Variants in CLASP2 observed in about 807,000 individuals in gnomAD.
CLASP2 encodes the protein cytoplasmic linker associated protein 2.
A neutral mutation model predicts 194.4 loss-of-function variants in CLASP2; 47 were observed. The observed-to-expected ratio is 0.24, with a 90% confidence interval of 0.19 to 0.31. The LOEUF is 0.31. Among genes scored for constraint, CLASP2 ranks in the 10% least tolerant of loss-of-function variants. The pLI, the probability that CLASP2 is intolerant of heterozygous loss-of-function variation, is 1.00. For synonymous variants in CLASP2, 619 were observed against 633.5 expected, an observed-to-expected ratio of 0.98 and a Z score of 0.34; for missense variants, 1,445 against 1,823.6, an observed-to-expected ratio of 0.79 and a Z score of 3.78.
intron 1 of CLASP2, among the ~76,000 whole-genome samples, chr3:33,713,893 CATA>C (rs2093160754): frequency 6.6e-6 from 1 of 152,084 alleles, no homozygotes; most frequent in African/African-American, 2.4e-5. Flanking sequence ...TACTAATCCT[CATA>C]ATATACAAAA....
chr3:33,576,735 A>G (rs1032312683), intron 23 of CLASP2, among the ~76,000 whole-genome samples: 3 of 152,198 alleles, frequency 2.0e-5, no homozygotes, highest in African/African-American at 7.2e-5. Context: ...CTCCTTCAAG[A>G]TAAGTGGGTT....
In CLASP2 at chr3:33,498,416, GCTT is replaced by G. The variant is rs1464444712; in HGVS notation, c.*212_*214del. The G allele has an allele frequency of 2.3e-6, 1 of 433,730 alleles. No individual in the cohort carries two copies. 26.9% of individuals were successfully genotyped at this position (433,730 alleles called of 1,614,324 possible). Reference sequence around the variant, plus strand: ...GTGTCGATCAATTGATGTTAATACTGCTTCTTCTTGAATTTGGAATAACTATCA... The same window carrying G: ...GTGTCGATCAATTGATGTTAATACTGCTTCTTGAATTTGGAATAACTATCA... On this transcript the variant is annotated 3_prime_UTR_variant, in exon 39 of 39. Coordinates refer to ENST00000682230, the MANE Select transcript of CLASP2 (RefSeq NM_001365631.1).
intron 10 of CLASP2, among the ~76,000 whole-genome samples, chr3:33,623,032 C>T (rs545312566): frequency 2.0e-5 from 3 of 152,282 alleles, no homozygotes; most frequent in Middle Eastern, 3.4e-3. Context: ...TGATCTCAAA[C>T]TCCTGGCTTC....
At chr3:33,597,073 A>G (rs1040733410) in intron 18 of CLASP2, among the ~76,000 whole-genome samples, 3 of 152,066 alleles carry the variant, frequency 2.0e-5, no homozygotes, top group African/African-American at 2.4e-5. Context: ...AGACAGTCAC[A>G]TTGCCTTGTT....
intron 6 of CLASP2, among the ~76,000 whole-genome samples, chr3:33,670,082 A>C (rs1429403404): frequency 1.3e-5 from 2 of 152,214 alleles, no homozygotes; most frequent in African/African-American, 4.8e-5. Flanking sequence ...ATATACATAC[A>C]CATGCACACA....
intron 19 of CLASP2, 64 bp from the exon 20 acceptor site, chr3:33,595,032 TC>T: frequency 2.0e-6 from 2 of 1,006,794 alleles, no homozygotes; most frequent in Non-Finnish European, 2.8e-6. Flanking sequence ...AAGACCTACC[TC>T]ACAGTCCCCA....
chr3:33,678,179 G>C (rs1366522833), intron 6 of CLASP2, among the ~76,000 whole-genome samples: 2 of 151,914 alleles, frequency 1.3e-5, no homozygotes, highest in Non-Finnish European at 2.9e-5. Context: ...AGAAAGAACA[G>C]AAAGAATACT....
chr3:33,570,605 A>G (rs2063548581), intron 26 of CLASP2, 122 bp downstream of exon 26: 2 of 1,222,230 alleles, frequency 1.6e-6, no homozygotes, highest in African/African-American at 1.5e-5. Context: ...AATTTTAATT[A>G]TGCTTGAAAA....
intron 22 of CLASP2, 132 bp from the exon 23 acceptor site, chr3:33,582,060 T>C (rs2066286040): frequency 3.2e-6 from 2 of 616,256 alleles, no homozygotes; most frequent in South Asian, 4.0e-5. Flanking sequence ...GAAAAGAAAT[T>C]ACTCTTGCTG....
At chr3:33,563,501 A>C (rs932869359) in intron 27 of CLASP2, among the ~76,000 whole-genome samples, 13 of 152,202 alleles carry the variant, frequency 8.5e-5, no homozygotes, top group African/African-American at 2.7e-4. Flanking sequence ...CTTTAGTTTT[A>C]TATTTCCTGT....
At position 33,663,529 on chromosome 3, in the gene CLASP2, A is replaced by G; in HGVS notation, c.645-14T>C. 6.4e-7 allele frequency: 1 copy of G among 1,573,488 alleles called. No individual in the cohort carries two copies. The highest frequency in any genetic ancestry group is 8.7e-7 in the Non-Finnish European group (1 of 1,144,670). On this transcript the variant is annotated splice_polypyrimidine_tract_variant and intron_variant, in intron 6 of 38. Transcript: ENST00000682230. Reference sequence around the variant, plus strand: ...ATCATTTCTAATCTGGGAATAAAGAATAAATTGGGTTTGTTTGATTTTTTA... The same window carrying G: ...ATCATTTCTAATCTGGGAATAAAGAGTAAATTGGGTTTGTTTGATTTTTTA...
At chr3:33,624,883 G>A (rs2077725225) in intron 10 of CLASP2, among the ~76,000 whole-genome samples, 2 of 151,852 alleles carry the variant, frequency 1.3e-5, no homozygotes, top group Admixed American at 1.3e-4. Flanking sequence ...AATTCACAAA[G>A]ACACATTTCT....
rs117359717 is a variant in CLASP2 at position 33,508,238 on chromosome 3, C to T, written c.4317+2320G>A. On this transcript the variant is annotated intron_variant, in intron 37 of 38. Transcript: ENST00000682230. ...ATCACTATGTTGCCCAGGCTGGTCTCGAACTTCCAGGCTCAAGTGATCCTC... is the reference window on the plus strand; with the variant it reads ...ATCACTATGTTGCCCAGGCTGGTCTTGAACTTCCAGGCTCAAGTGATCCTC... Among the ~76,000 whole-genome samples, 132 of 152,238 alleles carry T rather than the reference C, an allele frequency of 8.7e-4. 2 individuals are homozygous for T. The East Asian group carries it at 0.023, about 27-fold the overall frequency.
rs1356037471 is a variant in CLASP2, at chr3:33,632,391, T to C, written c.863-20A>G. On this transcript the variant is annotated intron_variant, in intron 8 of 38. Transcript: ENST00000682230. ...AAGCACCTGCTAATTAAAAGGAAAT[T>C]AATTTCCTAAGGTTCATTTTTAAGC... The C allele has an allele frequency of 8.4e-6, 13 of 1,539,110 alleles. No individual in the cohort carries two copies. Among genetic ancestry groups the C allele is most frequent in the Non-Finnish European group, 1.1e-5 (13 of 1,133,524 alleles).
chr3:33,547,511 T>C (rs2059336018), intron 30 of CLASP2, among the ~76,000 whole-genome samples: 1 of 152,214 alleles, frequency 6.6e-6, no homozygotes, highest in Non-Finnish European at 1.5e-5. Flanking sequence ...TTCTTTTACA[T>C]ATGTTGCTAA....
chr3:33,538,738 T>A, intron 33 of CLASP2, 51 bp downstream of exon 33: 1 of 1,379,888 alleles, frequency 7.2e-7, no homozygotes, highest in Non-Finnish European at 9.6e-7. Flanking sequence ...TTTAAAAAAT[T>A]ATTAATGAAC....
intron 26 of CLASP2, among the ~76,000 whole-genome samples, chr3:33,567,609 A>T (rs540660693): frequency 6.6e-6 from 1 of 152,290 alleles, no homozygotes; most frequent in East Asian, 1.9e-4. Context: ...CCTTAATTTA[A>T]AAAATTTGAT....
In CLASP2 at chr3:33,543,393, T is replaced by A. The variant is rs757816543; in HGVS notation, c.3404+40A>T. On this transcript the variant is annotated intron_variant, in intron 32 of 38. Transcript: ENST00000682230. ...GTCTCAAAAAGAAAGAATGGGAATT[T>A]ACAAATACAAACCATCATGAAAAAT... The A allele has an allele frequency of 2.2e-5, 29 of 1,314,438 alleles. No individual in the cohort carries two copies. The East Asian group carries it at 6.7e-4, about 30-fold the overall frequency. 81.4% of individuals were successfully genotyped at this position (1,314,438 alleles called of 1,614,324 possible).
intron 34 of CLASP2, among the ~76,000 whole-genome samples, chr3:33,525,656 T>C (rs867974037): frequency 5.3e-5 from 8 of 152,200 alleles, no homozygotes; most frequent in Admixed American, 2.0e-4. Context: ...GTCAGAACTA[T>C]GTGGAGTCTT....
Sources: gnomAD v4.1 joint callset for allele counts (sites outside exome capture counted in the v4.1 genomes callset) on GRCh38, gnomAD v4.1.1 for gene constraint, MANE v1.5 for transcripts, NCBI Gene and HGNC (gene_info 2026-07-23, HGNC 2026-07-21) for gene names.